The following CACNA2D3 variants were observed in gnomAD, a reference collection of about 807,000 sequenced individuals.
CACNA2D3 encodes voltage-dependent calcium channel subunit alpha-2/delta-3.
CACNA2D3 carries 60 observed loss-of-function variants against 160.6 expected under a neutral mutation model. That is an observed-to-expected ratio of 0.37 (90% confidence interval 0.30 to 0.46). CACNA2D3 has a LOEUF of 0.46. Ranked by LOEUF, CACNA2D3 falls within the 20% of genes least tolerant of loss-of-function variation. The pLI is 1.00. For synonymous variants in CACNA2D3, 558 were observed against 492.9 expected (o/e 1.13, Z -1.75); for missense variants, 1,205 against 1,365.0 (o/e 0.88, Z 1.85).
chr3:54,837,271 G>A (rs374018967), intron 15 of CACNA2D3, 41 bp downstream of exon 15: 3 of 1,577,170 alleles, frequency 1.9e-6, no homozygotes, highest in Middle Eastern at 1.7e-4. Flanking sequence ...TGCTAGGAGG[G>A]TGGTTTTCTC....
intron 11 of CACNA2D3, among the ~76,000 whole-genome samples, chr3:54,738,409 A>G (rs1246555743): frequency 6.6e-6 from 1 of 152,220 alleles, no homozygotes; most frequent in African/African-American, 2.4e-5. Context: ...ATCAGTCCCT[A>G]GTCTCCCAAC....
At chr3:54,719,163 C>CT (rs527632302) in intron 11 of CACNA2D3, among the ~76,000 whole-genome samples, 53,571 of 132,564 alleles carry the variant, frequency 0.4, 10,558 homozygotes, top group African/African-American at 0.46. Flanking sequence ...CACTGGATTT[C>CT]TTTTTTTTTT....
chr3:55,044,011 G>A (rs1704019422), intron 35 of CACNA2D3, among the ~76,000 whole-genome samples: 2 of 152,104 alleles, frequency 1.3e-5, no homozygotes. Context: ...GATTATTATA[G>A]CATTATATTA....
chr3:54,372,981 A>C (rs1167414711), intron 3 of CACNA2D3, among the ~76,000 whole-genome samples: 1 of 152,134 alleles, frequency 6.6e-6, no homozygotes, highest in Non-Finnish European at 1.5e-5. Flanking sequence ...CCCTTGTTTG[A>C]CCCAGCCCCC....
At chr3:54,305,289 G>C (rs1229326041) in intron 2 of CACNA2D3, among the ~76,000 whole-genome samples, 4 of 152,132 alleles carry the variant, frequency 2.6e-5, no homozygotes, top group Non-Finnish European at 2.9e-5. Flanking sequence ...ATAACCTAGT[G>C]GTACATAGGG....
chr3:54,530,261 A>T (rs1403508649), intron 5 of CACNA2D3, among the ~76,000 whole-genome samples: 1 of 152,148 alleles, frequency 6.6e-6, no homozygotes, highest in East Asian at 1.9e-4. Flanking sequence ...CACAGCTGGG[A>T]CTGTTCTGCC....
At chr3:54,833,126 G>A (rs1354702988) in intron 14 of CACNA2D3, among the ~76,000 whole-genome samples, 2 of 152,216 alleles carry the variant, frequency 1.3e-5, no homozygotes, top group African/African-American at 4.8e-5. Context: ...GAGCAAGTTT[G>A]TGTTTTATAA....
chr3:54,886,729 T>C (rs1381929313), intron 23 of CACNA2D3, among the ~76,000 whole-genome samples: 1 of 151,810 alleles, frequency 6.6e-6, no homozygotes, highest in Non-Finnish European at 1.5e-5. Flanking sequence ...ATTGTATGAA[T>C]TACTATATTA....
chr3:54,775,979 AAC>A (rs1392536020), intron 13 of CACNA2D3, among the ~76,000 whole-genome samples: 17 of 152,162 alleles, frequency 1.1e-4, no homozygotes, highest in Admixed American at 1.0e-3. Context: ...TCATCGGTGA[AAC>A]ACAGTTTCCT....
intron 2 of CACNA2D3, among the ~76,000 whole-genome samples, chr3:54,141,086 T>TGTGTGTGTGTGTGTGC (rs61601297): frequency 1.7e-5 from 2 of 119,800 alleles, no homozygotes; most frequent in South Asian, 5.5e-4. Flanking sequence ...TGTGTGTGTG[T>TGTGTGTGTGTGTGTGC]GCGCGCGCGC....
At chr3:54,229,526 G>C (rs989459572) in intron 2 of CACNA2D3, among the ~76,000 whole-genome samples, 3 of 151,972 alleles carry the variant, frequency 2.0e-5, no homozygotes, top group Non-Finnish European at 4.4e-5. Context: ...GTAGAGACAG[G>C]GTCTTGCCAT....
At chr3:54,607,513 C>A (rs1698659966) in intron 9 of CACNA2D3, among the ~76,000 whole-genome samples, 1 of 152,090 alleles carries the variant, frequency 6.6e-6, no homozygotes, top group South Asian at 2.1e-4. Flanking sequence ...ATGAGAAATT[C>A]CCACAGTGCC....
chr3:54,879,094 A>C lies in CACNA2D3; in HGVS notation c.1782+5A>C. ...AAGAAGACAGTGGACAAAGGGGTAC[A>C]TTTTTCTCAAACATTTTTGCTGCTT... On this transcript the variant is annotated splice_donor_5th_base_variant and intron_variant, in intron 19 of 37. Coordinates refer to ENST00000474759, the MANE Select transcript of CACNA2D3 (RefSeq NM_018398.3). 4 of 1,576,076 alleles carry C rather than the reference A, an allele frequency of 2.5e-6. No individual in the cohort carries two copies. The highest frequency in any genetic ancestry group is 3.5e-6 in the Non-Finnish European group (4 of 1,158,712).
chr3:54,157,662 A>G (rs912457165), intron 2 of CACNA2D3, among the ~76,000 whole-genome samples: 5 of 152,130 alleles, frequency 3.3e-5, no homozygotes, highest in African/African-American at 9.7e-5. Context: ...ATGGTGGTGC[A>G]TGCCTGTAAT....
intron 11 of CACNA2D3, among the ~76,000 whole-genome samples, chr3:54,751,031 A>G (rs185024612): frequency 6.6e-6 from 1 of 152,112 alleles, no homozygotes; most frequent in African/African-American, 2.4e-5. Context: ...CGGCCTCCCA[A>G]AGTACTGGGA....
chr3:54,822,790 C>CCTTTCTTTCTTTCTTTCTTTCTTTCTTT (rs71096453), intron 14 of CACNA2D3, among the ~76,000 whole-genome samples: 3 of 71,912 alleles, frequency 4.2e-5, no homozygotes, highest in African/African-American at 1.2e-4. Context: ...TTCTTTCTTT[C>CCTTTCTTTCTTTCTTTCTTTCTTTCTTT]CTTTCTTTCT....
intron 31 of CACNA2D3, among the ~76,000 whole-genome samples, chr3:54,997,022 G>A (rs1444685059): frequency 6.7e-6 from 1 of 148,358 alleles, no homozygotes; most frequent in Non-Finnish European, 1.5e-5. Flanking sequence ...GGGCCTGTCA[G>A]GGGGTGGAGG....
rs193232589 is a variant in CACNA2D3 at position 54,184,769 on chromosome 3, T to C, written c.204+61175T>C. ...TTTCTTTGATTCAGAGTAGTTAATG[T>C]GGGTGAAATGGAGGGAGGTTGCCTC... On this transcript the variant is annotated intron_variant, in intron 2 of 37. Transcript: ENST00000474759. Among the ~76,000 whole-genome samples, 80 of 152,356 alleles carry C rather than the reference T, an allele frequency of 5.3e-4. No homozygotes were observed. In the Middle Eastern group the frequency reaches 0.02, roughly 39 times the overall value.
intron 13 of CACNA2D3, among the ~76,000 whole-genome samples, chr3:54,776,013 T>C (rs1702418990): frequency 6.6e-6 from 1 of 152,232 alleles, no homozygotes; most frequent in Non-Finnish European, 1.5e-5. Context: ...AGTCCTGGCT[T>C]TACATAATGC....
Sources: allele counts gnomAD v4.1 joint callset (sites outside exome capture counted in the v4.1 genomes callset), GRCh38; gene constraint gnomAD v4.1.1; transcripts MANE v1.5; gene names NCBI Gene and HGNC (gene_info 2026-07-23, HGNC 2026-07-21).